Variants in THSD7B observed in about 807,000 individuals in gnomAD.
THSD7B encodes thrombospondin type-1 domain-containing protein 7B.
Under a neutral mutation model 213.6 loss-of-function variants are expected in THSD7B, and 138 were observed. The ratio of observed to expected loss-of-function variants is 0.65; its 90% CI spans 0.56 to 0.74. The LOEUF (loss-of-function observed/expected upper bound fraction) is 0.74, where lower values mean the gene tolerates loss of function less well. Ranked by LOEUF, THSD7B falls within the 30% of genes least tolerant of loss-of-function variation. The pLI is 0.00. For missense variants in THSD7B, 1,931 were observed against 1,991.5 expected (o/e 0.97, Z 0.58); for synonymous variants, 742 against 687.0 (o/e 1.08, Z -1.25).
chr2:137,254,147 T>A (rs1279712230), intron 10 of THSD7B, among the ~76,000 whole-genome samples: 1 of 152,204 alleles, frequency 6.6e-6, no homozygotes, highest in East Asian at 1.9e-4. Context: ...CTCTTGAAGT[T>A]GTTTTGAAAT....
chr2:137,415,803 T>C (rs1046447052), intron 14 of THSD7B, among the ~76,000 whole-genome samples: 6 of 151,146 alleles, frequency 4.0e-5, no homozygotes, highest in Non-Finnish European at 8.8e-5. Context: ...TCCCCTCATA[T>C]CAAGTCTTTC....
At chr2:137,412,426 C>T (rs1259843002) in intron 14 of THSD7B, among the ~76,000 whole-genome samples, 2 of 151,486 alleles carry the variant, frequency 1.3e-5, no homozygotes, top group African/African-American at 4.8e-5. Context: ...CATGGAGAAA[C>T]CCTGTCTCTA....
intron 3 of THSD7B, among the ~76,000 whole-genome samples, chr2:137,094,252 T>C (rs536273394): frequency 3.9e-5 from 6 of 152,242 alleles, no homozygotes; most frequent in African/African-American, 9.6e-5. Flanking sequence ...TCCATGGTAA[T>C]AGTAGGCTAA....
At chr2:137,329,091 GA>G (rs1262627280) in intron 12 of THSD7B, among the ~76,000 whole-genome samples, 1 of 152,196 alleles carries the variant, frequency 6.6e-6, no homozygotes. Context: ...GCAGAGACTG[GA>G]AAAGTTTGGA....
chr2:137,495,379 G>A (rs185247129), intron 15 of THSD7B, among the ~76,000 whole-genome samples: 27 of 151,956 alleles, frequency 1.8e-4, no homozygotes, highest in African/African-American at 4.1e-4. Flanking sequence ...AACCCTTTTC[G>A]CTTGTTGGTA....
At chr2:137,616,017 C>A (rs1298042909) in intron 17 of THSD7B, among the ~76,000 whole-genome samples, 158 bp from the exon 18 acceptor site, 2 of 152,124 alleles carry the variant, frequency 1.3e-5, no homozygotes, top group Admixed American at 6.5e-5. Flanking sequence ...AATTTATAAT[C>A]ATTCACAGAA....
intron 3 of THSD7B, among the ~76,000 whole-genome samples, chr2:137,066,860 G>A (rs1687392728): frequency 6.6e-6 from 1 of 152,022 alleles, no homozygotes; most frequent in African/African-American, 2.4e-5. Context: ...TCTACCCATA[G>A]TTCTTGGATA....
At chr2:137,266,859 A>C (rs1372878304) in intron 10 of THSD7B, among the ~76,000 whole-genome samples, 1 of 152,090 alleles carries the variant, frequency 6.6e-6, no homozygotes, top group Non-Finnish European at 1.5e-5. Flanking sequence ...CTACTCTTAC[A>C]TTTTAAATTA....
intron 1 of THSD7B, among the ~76,000 whole-genome samples, chr2:136,816,692 T>C (rs1044891393): frequency 6.6e-6 from 1 of 152,242 alleles, no homozygotes; most frequent in African/African-American, 2.4e-5. Context: ...ATGCCAATGG[T>C]CCTCCATAAA....
intron 17 of THSD7B, among the ~76,000 whole-genome samples, chr2:137,590,792 G>GTTTTTTTTTTTTTTTTTTTTTTTTTTTT (rs1215185747): frequency 1.1e-5 from 1 of 88,706 alleles, no homozygotes; most frequent in African/African-American, 4.1e-5. Context: ...CTTTGAAATA[G>GTTTTTTTTTTTTTTTTTTTTTTTTTTTT]TTTTTTTTTT....
chr2:137,631,323 C>A (rs1682738212), intron 20 of THSD7B, among the ~76,000 whole-genome samples: 1 of 152,004 alleles, frequency 6.6e-6, no homozygotes, highest in Non-Finnish European at 1.5e-5. Flanking sequence ...GTAGAACTCC[C>A]TAAATTTAGC....
chr2:136,926,834 A>C (rs1042976978), intron 2 of THSD7B, among the ~76,000 whole-genome samples: 5 of 152,154 alleles, frequency 3.3e-5, no homozygotes, highest in Non-Finnish European at 5.9e-5. Context: ...TAGACAGTTC[A>C]TCATCCCAGC....
intron 12 of THSD7B, among the ~76,000 whole-genome samples, chr2:137,404,589 A>G (rs1389226570): frequency 1.3e-5 from 2 of 149,602 alleles, no homozygotes; most frequent in Non-Finnish European, 1.5e-5. Context: ...CACAGATACT[A>G]TATATACACA....
At chr2:137,462,442 G>T (rs776731713) in intron 15 of THSD7B, among the ~76,000 whole-genome samples, 1 of 152,056 alleles carries the variant, frequency 6.6e-6, no homozygotes, top group Non-Finnish European at 1.5e-5. Flanking sequence ...GTCAAATGCT[G>T]TGCATGCTAT....
At chr2:137,605,403 A>G (rs1468080058) in intron 17 of THSD7B, among the ~76,000 whole-genome samples, 1 of 152,126 alleles carries the variant, frequency 6.6e-6, no homozygotes, top group Non-Finnish European at 1.5e-5. Flanking sequence ...CATGTAAATC[A>G]CTTAACAGTG....
intron 3 of THSD7B, among the ~76,000 whole-genome samples, chr2:137,057,601 A>G (rs1687195593): frequency 6.6e-6 from 1 of 152,204 alleles, no homozygotes; most frequent in Non-Finnish European, 1.5e-5. Context: ...AATGTGGGAT[A>G]TGAATTATGT....
intron 12 of THSD7B, among the ~76,000 whole-genome samples, chr2:137,357,434 T>A (rs796881500): frequency 4.9e-4 from 74 of 152,138 alleles, no homozygotes; most frequent in African/African-American, 1.7e-3. Flanking sequence ...TTTGTTTGTT[T>A]ACAAACTGAG....
At chr2:137,454,660 A>C (rs1367076222) in intron 15 of THSD7B, among the ~76,000 whole-genome samples, 2 of 152,144 alleles carry the variant, frequency 1.3e-5, no homozygotes, top group Non-Finnish European at 2.9e-5. Context: ...TTCATGTTTA[A>C]AAAATATTCC....
At chr2:137,461,018 T>C (rs1051559308) in intron 15 of THSD7B, among the ~76,000 whole-genome samples, 3 of 152,186 alleles carry the variant, frequency 2.0e-5, no homozygotes, top group East Asian at 3.8e-4. Context: ...TTATTCATGA[T>C]GTTACATGTA....
Sources: gnomAD v4.1 joint callset for allele counts (sites outside exome capture counted in the v4.1 genomes callset) on GRCh38, gnomAD v4.1.1 for gene constraint, MANE v1.5 for transcripts, NCBI Gene and HGNC (gene_info 2026-07-23, HGNC 2026-07-21) for gene names.